The following HERC6 variants were observed in gnomAD, a reference collection of about 807,000 sequenced individuals.
HERC6 encodes the protein probable E3 ubiquitin-protein ligase HERC6.
HERC6 carries 101 observed loss-of-function variants against 114.5 expected under a neutral mutation model. The observed-to-expected ratio is 0.88, with a 90% CI of 0.75 to 1.04. The LOEUF (loss-of-function observed/expected upper bound fraction) is 1.04. HERC6 is among the 50% of genes least tolerant of loss of function. The pLI is 0.00. For synonymous variants in HERC6, 408 were observed against 436.2 expected, an observed-to-expected ratio of 0.94 and a Z score of 0.81; for missense variants, 1,133 against 1,230.9, an observed-to-expected ratio of 0.92 and a Z score of 1.19.
chr4:88,385,775 A>G (rs574434700), intron 3 of HERC6, among the ~76,000 whole-genome samples, 200 bp downstream of exon 3: 3 of 152,284 alleles, frequency 2.0e-5, no homozygotes, highest in South Asian at 4.1e-4. Context: ...TCATAGTGCC[A>G]TAAGGGGCTG....
Position 88,393,548 on chromosome 4 carries a change from G to T in HERC6, c.725G>T (p.Ser242Ile). ...AAGAATCTAGGTGTGGTTTATATCAGCTGTGGTGATGCACACACTGCGGTG... is the reference window on the plus strand; with the variant it reads ...AAGAATCTAGGTGTGGTTTATATCATCTGTGGTGATGCACACACTGCGGTG... Reference protein sequence around the residue: ...ALKNLGVVYISCGDAHTAVLT... With the variant: ...ALKNLGVVYIICGDAHTAVLT... Residue 242 changes from serine to isoleucine, a missense_variant, in exon 5 of 23, where the codon AGC becomes ATC. Ser to Ile is a moderately radical substitution (Grantham distance 142, BLOSUM62 -2). Coordinates refer to ENST00000264346, the MANE Select transcript of HERC6 (RefSeq NM_017912.4). 3 of 1,612,446 alleles carry T rather than the reference G, an allele frequency of 1.9e-6. No homozygotes were observed. The highest frequency in any genetic ancestry group is 2.5e-6 in the Non-Finnish European group (3 of 1,178,882).
chr4:88,401,329 C>A (rs1735523654), intron 8 of HERC6, among the ~76,000 whole-genome samples: 1 of 151,746 alleles, frequency 6.6e-6, no homozygotes, highest in Non-Finnish European at 1.5e-5. Context: ...CCCATCTCTA[C>A]TAAAAATACA....
intron 5 of HERC6, among the ~76,000 whole-genome samples, chr4:88,394,951 A>G (rs1181860697): frequency 6.6e-6 from 1 of 152,188 alleles, no homozygotes; most frequent in Non-Finnish European, 1.5e-5. Context: ...AGCCTAGAAC[A>G]TTATTTCATT....
At chr4:88,411,265 C>A (rs1278957875) in intron 11 of HERC6, among the ~76,000 whole-genome samples, 1 of 152,042 alleles carries the variant, frequency 6.6e-6, no homozygotes, top group African/African-American at 2.4e-5. Context: ...TTATAAAAAA[C>A]CCCATAAAAA....
At chr4:88,383,176 A>ACACC in intron 1 of HERC6, 45 bp from the exon 2 acceptor site, 3 of 1,584,160 alleles carry the variant, frequency 1.9e-6, no homozygotes, top group Non-Finnish European at 2.6e-6. Flanking sequence ...TTAAATTAAT[A>ACACC]ATCTGCAGTG....
At chr4:88,383,905 A>T (rs1734447933) in intron 2 of HERC6, among the ~76,000 whole-genome samples, 7 of 151,962 alleles carry the variant, frequency 4.6e-5, no homozygotes, top group Admixed American at 4.6e-4. Context: ...GTGAAATGAG[A>T]TGTGACCCTT....
intron 1 of HERC6, 23 bp from the exon 2 acceptor site, chr4:88,383,198 G>C (rs377670919): frequency 6.2e-7 from 1 of 1,604,636 alleles, no homozygotes; most frequent in South Asian, 1.1e-5. Flanking sequence ...TGGTTGGGGG[G>C]TGTTTTGTTT....
At chr4:88,397,975 G>T in intron 7 of HERC6, 167 bp from the exon 8 acceptor site, 1 of 541,762 alleles carries the variant, frequency 1.8e-6, no homozygotes, top group Middle Eastern at 4.9e-4. Context: ...ATTTCAATAT[G>T]ATGGGAGGGA....
chr4:88,379,685 C>T (rs368022869), intron 1 of HERC6, among the ~76,000 whole-genome samples: 406 of 24,320 alleles, frequency 0.017, 34 homozygotes, highest in African/African-American at 0.13. Context: ...TAAATATATA[C>T]AAATATATAA....
At chr4:88,386,012 A>G (rs1333772870) in intron 3 of HERC6, among the ~76,000 whole-genome samples, 3 of 152,008 alleles carry the variant, frequency 2.0e-5, no homozygotes, top group Non-Finnish European at 4.4e-5. Context: ...ACAATTGTAC[A>G]TCTACACTTT....
At chr4:88,397,692 AT>A (rs1309760886) in intron 7 of HERC6, among the ~76,000 whole-genome samples, 3 of 152,162 alleles carry the variant, frequency 2.0e-5, no homozygotes, top group Admixed American at 2.0e-4. Context: ...TCTCAAAAAA[AT>A]AAAATAAAAT....
chr4:88,406,681 A>C (rs888748370), intron 10 of HERC6, among the ~76,000 whole-genome samples: 3 of 152,240 alleles, frequency 2.0e-5, no homozygotes, highest in Admixed American at 1.3e-4. Flanking sequence ...TAGTACTTGC[A>C]TAAATATTTT....
In HERC6 at chr4:88,442,306, A is replaced by G; in HGVS notation, c.2915A>G (p.Glu972Gly). The change falls in exon 23 of 23, where the codon GAA (glutamate) becomes GGA (glycine). Residue 972 changes from glutamate to glycine, a missense_variant. Physicochemically the swap from Glu to Gly is moderately conservative, Grantham distance 98. Coordinates refer to ENST00000264346, the MANE Select transcript of HERC6 (RefSeq NM_017912.4). The part of the protein sequence containing the change: ...QKMEIVFRCP[E>G]TFSERDHPTS... ...ATGGAAATAGTATTTCGCTGTCCTG[A>G]AACTTTCAGTGAAAGAGATCACCCA... is the stretch of plus-strand genomic sequence containing the variant. 1 of 1,613,866 alleles carries G rather than the reference A, an allele frequency of 6.2e-7. No individual in the cohort carries two copies. Among genetic ancestry groups the G allele is most frequent in the Non-Finnish European group, 8.5e-7 (1 of 1,179,842 alleles).
chr4:88,413,042 C>G (rs1736211875), intron 11 of HERC6, 35 bp from the exon 12 acceptor site: 1 of 1,492,520 alleles, frequency 6.7e-7, no homozygotes, highest in Non-Finnish European at 9.2e-7. Context: ...TCTAATATAT[C>G]CTGGGTCTGT....
At chr4:88,432,686 G>A (rs898084398) in intron 17 of HERC6, among the ~76,000 whole-genome samples, 15 of 149,102 alleles carry the variant, frequency 1.0e-4, no homozygotes, top group African/African-American at 3.0e-4. Context: ...CTGAGATTGC[G>A]CCATAGCACC....
chr4:88,437,894 T>A (rs1364865700), intron 20 of HERC6, 113 bp downstream of exon 20: 1 of 798,666 alleles, frequency 1.3e-6, no homozygotes, highest in African/African-American at 1.8e-5. Context: ...ATCCCAGCAA[T>A]TTGGGAGGCT....
chr4:88,383,791 A>G (rs1306162587), intron 2 of HERC6, among the ~76,000 whole-genome samples: 2 of 149,166 alleles, frequency 1.3e-5, no homozygotes, highest in African/African-American at 4.9e-5. Flanking sequence ...AAAAAAAAAA[A>G]AAGACTATGA....
chr4:88,412,906 T>C (rs1021273334), intron 11 of HERC6, among the ~76,000 whole-genome samples, 171 bp from the exon 12 acceptor site: 1 of 152,164 alleles, frequency 6.6e-6, no homozygotes, highest in Non-Finnish European at 1.5e-5. Flanking sequence ...ATATCAGGGG[T>C]ATTTGGGATG....
rs58255156 is a variant in HERC6 at position 88,393,817 on chromosome 4, A to T, written c.759+235A>T. Among the ~76,000 whole-genome samples the T allele has an allele frequency of 1.6e-3, 243 of 152,326 alleles. 3 individuals are homozygous for T. The highest frequency in any genetic ancestry group is 5.7e-3 in the African/African-American group (235 of 41,576). The stretch of plus-strand genomic sequence containing the variant: ...ATGTCTGATGAGGGCCAAACTTCTC[A>T]TTCACAGATACCATATTTTCACTGT... On this transcript the variant is annotated intron_variant, in intron 5 of 22. Transcript: ENST00000264346.
Sources: gnomAD v4.1 joint callset for allele counts (sites outside exome capture counted in the v4.1 genomes callset) on GRCh38, gnomAD v4.1.1 for gene constraint, MANE v1.5 for transcripts, NCBI Gene and HGNC (gene_info 2026-07-23, HGNC 2026-07-21) for gene names.